The following PTPRD variants were observed in gnomAD, a reference collection of about 807,000 sequenced individuals.
PTPRD encodes protein tyrosine phosphatase receptor type D.
A neutral mutation model predicts 214.5 loss-of-function variants in PTPRD; 34 were observed. That is an observed-to-expected ratio of 0.16 (90% CI 0.12 to 0.21). PTPRD has a LOEUF of 0.21. PTPRD is among the 10% of genes least tolerant of loss of function. The probability of loss-of-function intolerance (pLI) is 1.00; values close to 1 mark genes in which losing one functional copy is unlikely to be tolerated. For synonymous variants in PTPRD, 1,128 were observed against 845.7 expected, an observed-to-expected ratio of 1.33 and a Z score of -5.79; for missense variants, 2,545 against 2,398.7, an observed-to-expected ratio of 1.06 and a Z score of -1.27.
At chr9:9,321,803 G>T (rs573824886) in intron 9 of PTPRD, among the ~76,000 whole-genome samples, 1 of 152,136 alleles carries the variant, frequency 6.6e-6, no homozygotes, top group Non-Finnish European at 1.5e-5. Flanking sequence ...TGGTTGTTGA[G>T]AGGATTAAAT....
chr9:8,428,546 T>C (rs945388266), intron 35 of PTPRD, among the ~76,000 whole-genome samples: 1 of 152,166 alleles, frequency 6.6e-6, no homozygotes, highest in East Asian at 1.9e-4. Flanking sequence ...GAAGAGTCTA[T>C]TCCACTCTTC....
At chr9:10,402,579 C>T (rs1360561045) in intron 2 of PTPRD, among the ~76,000 whole-genome samples, 1 of 151,636 alleles carries the variant, frequency 6.6e-6, no homozygotes, top group Non-Finnish European at 1.5e-5. Context: ...TATACATGAA[C>T]ATAAATGTTG....
intron 11 of PTPRD, among the ~76,000 whole-genome samples, chr9:8,774,532 T>TTTTTTTTG (rs2095384754): frequency 2.9e-5 from 1 of 34,468 alleles, no homozygotes; most frequent in Non-Finnish European, 7.4e-5. Context: ...AGTAACTTTT[T>TTTTTTTTG]TTTTTTTTTT....
At chr9:10,196,112 T>C (rs954095381) in intron 3 of PTPRD, among the ~76,000 whole-genome samples, 11 of 152,280 alleles carry the variant, frequency 7.2e-5, no homozygotes, top group Non-Finnish European at 1.0e-4. Flanking sequence ...AATATGAGAC[T>C]ATATACACTT....
At chr9:9,004,151 C>T (rs1426377944) in intron 11 of PTPRD, among the ~76,000 whole-genome samples, 1 of 151,984 alleles carries the variant, frequency 6.6e-6, no homozygotes, top group Non-Finnish European at 1.5e-5. Context: ...TTTTGTCAAT[C>T]AGAACTCCTC....
intron 3 of PTPRD, among the ~76,000 whole-genome samples, chr9:10,134,501 C>T (rs2098927795): frequency 6.6e-6 from 1 of 152,134 alleles, no homozygotes; most frequent in African/African-American, 2.4e-5. Context: ...TTCTTAAGTG[C>T]TGCCTACTGA....
rs2097392381 is a variant in PTPRD at position 8,500,989 on chromosome 9, T to C, written c.1893A>G (p.Gln631=). ...CATTCTGTTTTTCCACTGGTGGAGG[T>C]TGCCAACTTACCAAAATACTAGTGG... ...PSSTSILVSW[Q]PPPVEKQNGI... Residue 631 remains glutamine, a synonymous_variant, in exon 24 of 46, where the codon CAA becomes CAG. Coordinates refer to ENST00000381196, the MANE Select transcript of PTPRD (RefSeq NM_002839.4). 1.9e-6 allele frequency: 3 copies of C among 1,613,914 alleles called. No homozygotes were observed. The highest frequency in any genetic ancestry group is 2.5e-6 in the Non-Finnish European group (3 of 1,180,000).
At chr9:9,004,805 T>A (rs1040376806) in intron 11 of PTPRD, among the ~76,000 whole-genome samples, 1 of 151,980 alleles carries the variant, frequency 6.6e-6, no homozygotes, top group Non-Finnish European at 1.5e-5. Context: ...CTAGTAAGTG[T>A]ACAGCACTGA....
At chr9:8,565,864 T>C (rs2088830562) in intron 14 of PTPRD, among the ~76,000 whole-genome samples, 2 of 152,120 alleles carry the variant, frequency 1.3e-5, no homozygotes, top group Admixed American at 6.6e-5. Flanking sequence ...TTTGGAACCA[T>C]GGAATATTAC....
chr9:9,801,616 T>C (rs1364642086), intron 5 of PTPRD, among the ~76,000 whole-genome samples: 3 of 152,110 alleles, frequency 2.0e-5, no homozygotes, highest in Non-Finnish European at 2.9e-5. Flanking sequence ...AAAAGTAGTT[T>C]TACCTGCAAT....
chr9:9,673,022 A>G (rs1239397443), intron 7 of PTPRD, among the ~76,000 whole-genome samples: 1 of 152,012 alleles, frequency 6.6e-6, no homozygotes, highest in Non-Finnish European at 1.5e-5. Context: ...TAAAATATAA[A>G]AATACAGACA....
chr9:8,888,744 C>T (rs945332682), intron 11 of PTPRD, among the ~76,000 whole-genome samples: 7 of 152,218 alleles, frequency 4.6e-5, no homozygotes, highest in South Asian at 2.1e-4. Context: ...TCCTGGGAAC[C>T]GTCATGAGTG....
intron 10 of PTPRD, among the ~76,000 whole-genome samples, chr9:9,154,974 G>A (rs2099879978): frequency 6.6e-6 from 1 of 152,148 alleles, no homozygotes; most frequent in Non-Finnish European, 1.5e-5. Context: ...GTGTCTGGTT[G>A]CATTATGAGA....
At position 9,433,685 on chromosome 9, in the gene PTPRD, A is replaced by G. The variant is rs1013354031; in HGVS notation, c.-236-36203T>C. 3.3e-4 allele frequency among the ~76,000 whole-genome samples: 50 copies of G among 152,214 alleles called. 1 individual carries two copies. Among genetic ancestry groups the G allele is most frequent in the African/African-American group, 1.1e-3 (46 of 41,460 alleles). On this transcript the variant is annotated intron_variant, in intron 8 of 45. Transcript: ENST00000381196. ...TTCACAAAATAGATTTTACACAGAT[A>G]CATTTCTGAAAAATCATCTTCTTGA...
intron 7 of PTPRD, among the ~76,000 whole-genome samples, chr9:9,727,239 C>G (rs1394042319): frequency 6.6e-6 from 1 of 151,926 alleles, no homozygotes; most frequent in Non-Finnish European, 1.5e-5. Flanking sequence ...GTGAATTGTC[C>G]AGGAATTCAA....
intron 7 of PTPRD, among the ~76,000 whole-genome samples, chr9:9,651,796 C>A (rs981082739): frequency 9.5e-5 from 14 of 147,234 alleles, no homozygotes; most frequent in Admixed American, 2.7e-4. Flanking sequence ...TTAGGGAATA[C>A]CACACTGCCT....
chr9:9,888,403 T>C (rs987097510), intron 5 of PTPRD, among the ~76,000 whole-genome samples: 2 of 152,128 alleles, frequency 1.3e-5, no homozygotes, highest in Admixed American at 6.6e-5. Flanking sequence ...TGGATATTTG[T>C]CCCTTACAGA....
chr9:9,912,150 T>C (rs185602135), intron 5 of PTPRD, among the ~76,000 whole-genome samples: 119 of 152,280 alleles, frequency 7.8e-4, no homozygotes, highest in African/African-American at 2.7e-3. Flanking sequence ...CTGTCAAGTA[T>C]ATTTAGAAGT....
intron 11 of PTPRD, among the ~76,000 whole-genome samples, chr9:8,898,254 A>G (rs1322877450): frequency 7.3e-6 from 1 of 137,064 alleles, no homozygotes; most frequent in Non-Finnish European, 1.6e-5. Flanking sequence ...CTGAGAGAAA[A>G]TGAACTTTTT....
Sources: allele counts gnomAD v4.1 joint callset (sites outside exome capture counted in the v4.1 genomes callset), GRCh38; gene constraint gnomAD v4.1.1; transcripts MANE v1.5; gene names NCBI Gene and HGNC (gene_info 2026-07-23, HGNC 2026-07-21).